The following GRIK2 variants were observed in gnomAD, a reference collection of about 807,000 sequenced individuals.
GRIK2 encodes glutamate ionotropic receptor kainate type subunit 2, also known as glutamate receptor ionotropic, kainate 2.
In GRIK2, 32 loss-of-function variants were observed where a neutral mutation model predicts 100.3. The ratio of observed to expected loss-of-function variants is 0.32; its 90% confidence interval spans 0.24 to 0.43. GRIK2 has a LOEUF of 0.43. Ranked by LOEUF, GRIK2 falls within the 20% of genes least tolerant of loss-of-function variation. The pLI is 1.00. For synonymous variants in GRIK2, 417 were observed against 389.4 expected (o/e 1.07, Z -0.83); for missense variants, 843 against 1,114.9 (o/e 0.76, Z 3.47).
At chr6:101,619,193 A>G (rs371134079) in intron 2 of GRIK2, among the ~76,000 whole-genome samples, 2 of 151,378 alleles carry the variant, frequency 1.3e-5, no homozygotes, top group South Asian at 4.2e-4. Context: ...GTAATAAGCT[A>G]TTCATGATTT....
chr6:101,554,686 G>A (rs1389916447), intron 2 of GRIK2, among the ~76,000 whole-genome samples: 1 of 152,044 alleles, frequency 6.6e-6, no homozygotes, highest in African/African-American at 2.4e-5. Context: ...CCACTAGATT[G>A]TAGGCTTTTA....
intron 7 of GRIK2, among the ~76,000 whole-genome samples, chr6:101,790,132 T>C (rs999015264): frequency 1.3e-5 from 2 of 152,194 alleles, no homozygotes; most frequent in African/African-American, 4.8e-5. Context: ...TTTCTAGATA[T>C]ACAATCATGT....
chr6:101,884,090 T>C (rs567689468), intron 11 of GRIK2, among the ~76,000 whole-genome samples: 33 of 152,244 alleles, frequency 2.2e-4, no homozygotes, highest in Non-Finnish European at 4.7e-4. Flanking sequence ...TGGTGTGCCA[T>C]GTGTACAGAA....
At chr6:101,884,144 T>C (rs1048434606) in intron 11 of GRIK2, among the ~76,000 whole-genome samples, 4 of 152,138 alleles carry the variant, frequency 2.6e-5, no homozygotes, top group Non-Finnish European at 5.9e-5. Flanking sequence ...GACAAATTAT[T>C]TGTTCACATT....
At chr6:101,795,528 C>T (rs758758241) in intron 7 of GRIK2, among the ~76,000 whole-genome samples, 2 of 152,136 alleles carry the variant, frequency 1.3e-5, no homozygotes, top group East Asian at 1.9e-4. Flanking sequence ...AAGCTTGCTT[C>T]GGTTCAGTAG....
At chr6:101,410,123 C>T (rs1176065816) in intron 2 of GRIK2, among the ~76,000 whole-genome samples, 1 of 151,980 alleles carries the variant, frequency 6.6e-6, no homozygotes, top group Non-Finnish European at 1.5e-5. Context: ...AAACTGAAAA[C>T]AAATAATGAA....
intron 10 of GRIK2, among the ~76,000 whole-genome samples, chr6:101,829,945 AC>A (rs1210305881): frequency 6.6e-6 from 1 of 151,918 alleles, no homozygotes; most frequent in African/African-American, 2.4e-5. Context: ...TCATATTGAA[AC>A]AAAAAAGAGG....
At chr6:101,742,919 G>GC (rs1776136865) in intron 7 of GRIK2, among the ~76,000 whole-genome samples, 1 of 152,192 alleles carries the variant, frequency 6.6e-6, no homozygotes, top group African/African-American at 2.4e-5. Context: ...AATTTTAAGA[G>GC]CCCTGGCTGA....
chr6:101,980,177 C>G (rs1236309539), intron 14 of GRIK2, among the ~76,000 whole-genome samples: 1 of 151,870 alleles, frequency 6.6e-6, no homozygotes, highest in African/African-American at 2.4e-5. Context: ...TATCCCATAC[C>G]CTCCCAAAAC....
At chr6:101,880,944 C>A (rs550076037) in intron 11 of GRIK2, among the ~76,000 whole-genome samples, 1 of 151,838 alleles carries the variant, frequency 6.6e-6, no homozygotes, top group East Asian at 1.9e-4. Context: ...GTCTTCATTT[C>A]AGCAACTAAA....
At chr6:101,952,808 T>G (rs1311088340) in intron 14 of GRIK2, among the ~76,000 whole-genome samples, 1 of 152,160 alleles carries the variant, frequency 6.6e-6, no homozygotes, top group Non-Finnish European at 1.5e-5. Context: ...TTCACCGTGT[T>G]AGCCAGGATG....
At chr6:102,011,388 T>G (rs1274881823) in intron 14 of GRIK2, among the ~76,000 whole-genome samples, 6 of 152,088 alleles carry the variant, frequency 3.9e-5, no homozygotes, top group African/African-American at 9.7e-5. Flanking sequence ...TAAAATGCGT[T>G]GTTCATAAAT....
At chr6:101,902,330 G>A (rs1436389343) in intron 12 of GRIK2, among the ~76,000 whole-genome samples, 73 of 151,956 alleles carry the variant, frequency 4.8e-4, no homozygotes, top group Admixed American at 4.8e-3. Flanking sequence ...CGGGTGGAAT[G>A]TATTGACATA....
At chr6:101,826,690 T>C (rs1782355851) in intron 10 of GRIK2, among the ~76,000 whole-genome samples, 1 of 152,038 alleles carries the variant, frequency 6.6e-6, no homozygotes, top group African/African-American at 2.4e-5. Context: ...CTTTCCCTTG[T>C]AAATTAAACT....
intron 14 of GRIK2, among the ~76,000 whole-genome samples, chr6:101,995,412 CT>C (rs962461390): frequency 1.2e-4 from 18 of 151,568 alleles, no homozygotes; most frequent in South Asian, 2.1e-4. Context: ...TAAAACATGC[CT>C]TTTTTTTGAA....
At chr6:101,534,141 T>TA (rs1562207031) in intron 2 of GRIK2, among the ~76,000 whole-genome samples, 1 of 151,324 alleles carries the variant, frequency 6.6e-6, no homozygotes, top group Non-Finnish European at 1.5e-5. Flanking sequence ...AGTTTTATTT[T>TA]TTTTTTTTGA....
intron 7 of GRIK2, among the ~76,000 whole-genome samples, chr6:101,756,591 C>T (rs948023426): frequency 3.2e-4 from 49 of 152,066 alleles, no homozygotes; most frequent in Admixed American, 2.8e-3. Flanking sequence ...TTCTACTAAA[C>T]GTCATTTTGA....
chr6:101,441,133 T>G (rs1770026903), intron 2 of GRIK2, among the ~76,000 whole-genome samples: 1 of 151,988 alleles, frequency 6.6e-6, no homozygotes, highest in Non-Finnish European at 1.5e-5. Context: ...CGTGAGCCAC[T>G]ACACCCAGCC....
chr6:101,766,464 T>C (rs1311153256), intron 7 of GRIK2, among the ~76,000 whole-genome samples: 9 of 152,160 alleles, frequency 5.9e-5, no homozygotes, highest in African/African-American at 1.9e-4. Flanking sequence ...TGAAGTTCTA[T>C]AGTATTCAAT....
Sources: gnomAD v4.1 joint callset for allele counts (sites outside exome capture counted in the v4.1 genomes callset) on GRCh38, gnomAD v4.1.1 for gene constraint, MANE v1.5 for transcripts, NCBI Gene and HGNC (gene_info 2026-07-23, HGNC 2026-07-21) for gene names.